Variants in CELF2 observed in about 807,000 individuals in gnomAD.
CELF2 encodes the protein CUG triplet repeat RNA-binding protein 2.
In CELF2, 8 loss-of-function variants were observed where a neutral mutation model predicts 62.6. The ratio of observed to expected loss-of-function variants is 0.13; its 90% CI spans 0.07 to 0.23. The LOEUF (loss-of-function observed/expected upper bound fraction) is 0.23, where lower values mean the gene tolerates loss of function less well. CELF2 is among the 10% of genes least tolerant of loss of function. The pLI, the probability that CELF2 is intolerant of heterozygous loss-of-function variation, is 1.00. For missense variants in CELF2, 333 were observed against 671.0 expected (o/e 0.50, Z 5.56); for synonymous variants, 258 against 250.0 (o/e 1.03, Z -0.30).
chr10:10,728,583 C>T, the CELF2 span, among the ~76,000 whole-genome samples: 79 of 152,006 alleles, frequency 5.2e-4, no homozygotes, highest in African/African-American at 1.8e-3. Context: ...GATAAATTTG[C>T]AGAGCTGATG....
At chr10:11,088,651 G>A (rs545872296) in intron 1 of CELF2, among the ~76,000 whole-genome samples, 1 of 152,322 alleles carries the variant, frequency 6.6e-6, no homozygotes, top group East Asian at 1.9e-4. Flanking sequence ...GGAAGCACTG[G>A]TGGTTTTGTT....
chr10:10,799,611 C>G (rs1483131987), intron 1 of CELF2, among the ~76,000 whole-genome samples: 1 of 148,912 alleles, frequency 6.7e-6, no homozygotes, highest in Admixed American at 6.7e-5. Context: ...ACCCCCACCC[C>G]CAGGCCTCAG....
At chr10:11,113,937 C>T (rs2055903518) in intron 1 of CELF2, among the ~76,000 whole-genome samples, 1 of 152,104 alleles carries the variant, frequency 6.6e-6, no homozygotes, top group African/African-American at 2.4e-5. Context: ...TGTGCTGGCT[C>T]CTGGCTTCAT....
At chr10:10,730,139 A>T in the CELF2 span, among the ~76,000 whole-genome samples, 4 of 151,544 alleles carry the variant, frequency 2.6e-5, no homozygotes, top group African/African-American at 7.3e-5. Flanking sequence ...AAATCCTCTA[A>T]TTTTTTTTTC....
At chr10:11,265,480 C>A (rs753541139) in intron 5 of CELF2, among the ~76,000 whole-genome samples, 14 of 152,248 alleles carry the variant, frequency 9.2e-5, no homozygotes, top group Admixed American at 2.0e-4. Context: ...CATTAGAGAT[C>A]ATAAGTGAAA....
At position 11,302,575 on chromosome 10, in the gene CELF2, C is replaced by G. The variant is rs1461947434; in HGVS notation, c.977-11564C>G. Among the ~76,000 whole-genome samples the G allele has an allele frequency of 6.6e-6, 1 of 152,160 alleles. No individual in the cohort carries two copies. The highest frequency in any genetic ancestry group is 1.5e-5 in the Non-Finnish European group (1 of 68,032). On this transcript the variant is annotated intron_variant, in intron 9 of 12. Transcript: ENST00000633077. This position sits in a 1 kb window ranked among gnomAD's most constrained non-coding sequence, Gnocchi z 5.0. ...CCTGCAGAGCATCCGCAGCCCAGGG[C>G]CCTGGGCCAAAGGGACTTGACACCA...
intron 1 of CELF2, among the ~76,000 whole-genome samples, chr10:11,018,464 G>T (rs141491836): frequency 1.3e-5 from 2 of 150,508 alleles, no homozygotes; most frequent in Admixed American, 6.6e-5. Flanking sequence ...CGGCGTCCCG[G>T]GTCCCCGCGG....
the CELF2 span, among the ~76,000 whole-genome samples, chr10:10,711,808 G>A: frequency 1.3e-5 from 2 of 152,154 alleles, no homozygotes; most frequent in Admixed American, 6.5e-5. Flanking sequence ...CTTGAACCTC[G>A]AAGGTGGAGG....
At position 11,317,445 on chromosome 10, in the gene CELF2, A is replaced by G. The variant is rs1470298348; in HGVS notation, c.1096+3187A>G. 2.6e-5 allele frequency: 4 copies of G among 152,380 alleles called. No homozygotes were observed. In the East Asian group the frequency reaches 5.8e-4, roughly 22 times the overall value. 9.4% of individuals were successfully genotyped at this position (152,380 alleles called of 1,614,324 possible). A position where few individuals can be genotyped will look rare whatever the true frequency, so the allele number is the denominator to read the frequency against. The stretch of plus-strand genomic sequence containing the variant: ...CATCTACCTTAGTTCTAGATATTTT[A>G]TACTTAGCTTCTCATTTATCAGCTT... On this transcript the variant is annotated intron_variant, in intron 10 of 12. Transcript: ENST00000633077.
intron 2 of CELF2, among the ~76,000 whole-genome samples, chr10:10,977,567 G>T (rs2051495852): frequency 6.6e-6 from 1 of 152,174 alleles, no homozygotes; most frequent in Non-Finnish European, 1.5e-5. Flanking sequence ...GATTAGAAAT[G>T]AGTCAATTTA....
At chr10:10,487,775 T>A in the CELF2 span, among the ~76,000 whole-genome samples, 4,717 of 152,260 alleles carry the variant, frequency 0.031, 117 homozygotes, top group South Asian at 0.049. Flanking sequence ...GGTCTTAAAA[T>A]GAATACCAAA....
intron 1 of CELF2, among the ~76,000 whole-genome samples, chr10:10,820,643 A>T (rs2056877655): frequency 6.6e-6 from 1 of 152,178 alleles, no homozygotes; most frequent in Non-Finnish European, 1.5e-5. Flanking sequence ...TGTGAGGGTG[A>T]CACACAGATC....
At chr10:10,702,138 T>C in the CELF2 span, among the ~76,000 whole-genome samples, 1 of 152,172 alleles carries the variant, frequency 6.6e-6, no homozygotes, top group Admixed American at 6.5e-5. Flanking sequence ...TTATATTCTA[T>C]TTCATTCCAT....
At chr10:10,827,475 A>T (rs2057486669) in intron 1 of CELF2, among the ~76,000 whole-genome samples, 1 of 152,268 alleles carries the variant, frequency 6.6e-6, no homozygotes, top group African/African-American at 2.4e-5. Flanking sequence ...TCAGTGAAGA[A>T]AAAAGAGTTT....
Position 11,321,473 on chromosome 10 carries a change from C to A in CELF2, c.1294+87C>A. The A allele has an allele frequency of 9.6e-7, 1 of 1,036,520 alleles. No homozygotes were observed. The highest frequency in any genetic ancestry group is 1.4e-6 in the Non-Finnish European group (1 of 713,848). The allele number at this position is 1,036,520 out of a possible 1,614,324, so 64.2% of individuals were successfully genotyped here. The stretch of plus-strand genomic sequence containing the variant: ...CACGGTTAGAAGGTATCAAATTGAA[C>A]TGAACCCATGTCATAACAGAAAGCA... On this transcript the variant is annotated intron_variant, in intron 11 of 12. Transcript: ENST00000633077. This position sits in a 1 kb window ranked among gnomAD's most constrained non-coding sequence, Gnocchi z 6.2.
In CELF2 at chr10:11,224,075, T is replaced by C. The variant is rs1363797657; in HGVS notation, c.354+6568T>C. On this transcript the variant is annotated intron_variant, in intron 3 of 12. Coordinates refer to ENST00000633077, the MANE Select transcript of CELF2 (RefSeq NM_001326342.2). This position sits in a 1 kb window ranked among gnomAD's most constrained non-coding sequence, Gnocchi z 4.5. ...GCATGGCCTACTCGGTATAAGGAAT[T>C]GTACGAGAGAAAATGTATGAGGATT... 2.6e-5 allele frequency among the ~76,000 whole-genome samples: 4 copies of C among 152,192 alleles called. No individual in the cohort carries two copies. Among genetic ancestry groups the C allele is most frequent in the Non-Finnish European group, 5.9e-5 (4 of 68,038 alleles).
intron 2 of CELF2, among the ~76,000 whole-genome samples, chr10:10,926,110 T>C (rs2065432320): frequency 6.6e-6 from 1 of 152,134 alleles, no homozygotes; most frequent in South Asian, 2.1e-4. Context: ...GTTGAGTTTG[T>C]AGTTATGGTT....
rs964283141 is a variant in CELF2, at chr10:10,936,998, G to A, written c.89+16999G>A. ...GAAAGAAGTAACCGACACTTGCCAAGTCTCTCATCCGGAGCTTTAAGAATT... is the reference window on the plus strand; with the variant it reads ...GAAAGAAGTAACCGACACTTGCCAAATCTCTCATCCGGAGCTTTAAGAATT... On this transcript the variant is annotated intron_variant, in intron 2 of 13. Transcript: ENST00000636488. The surrounding 1 kb of genome is among the most constrained non-coding windows in gnomAD (Gnocchi z 4.0). 1.3e-5 allele frequency among the ~76,000 whole-genome samples: 2 copies of A among 151,956 alleles called. No individual in the cohort carries two copies. Among genetic ancestry groups the A allele is most frequent in the African/African-American group, 4.8e-5 (2 of 41,346 alleles).
intron 1 of CELF2, among the ~76,000 whole-genome samples, chr10:11,123,971 G>A (rs1020817443): frequency 6.6e-6 from 1 of 152,152 alleles, no homozygotes; most frequent in African/African-American, 2.4e-5. Context: ...CCACATGGCT[G>A]GGGAGGCCTC....
Sources: gnomAD v4.1 joint callset for allele counts (sites outside exome capture counted in the v4.1 genomes callset) on GRCh38, gnomAD v4.1.1 for gene constraint, Gnocchi (gnomAD v3.1) non-coding constraint, MANE v1.5 for transcripts, NCBI Gene and HGNC (gene_info 2026-07-23, HGNC 2026-07-21) for gene names.